The following BMPR1A variants were observed in gnomAD, a reference collection of about 807,000 sequenced individuals.
BMPR1A encodes bone morphogenetic protein receptor type 1A.
Under a neutral mutation model 66.0 loss-of-function variants are expected in BMPR1A, and 7 were observed. The observed-to-expected ratio is 0.11, with a 90% confidence interval of 0.06 to 0.20. The LOEUF is 0.20. Ranked by LOEUF, BMPR1A falls within the 10% of genes least tolerant of loss-of-function variation. The pLI, the probability that BMPR1A is intolerant of heterozygous loss-of-function variation, is 1.00. For synonymous variants in BMPR1A, 200 were observed against 229.7 expected (o/e 0.87, Z 1.17); for missense variants, 408 against 669.1 (o/e 0.61, Z 4.31).
intron 1 of BMPR1A, among the ~76,000 whole-genome samples, chr10:86,769,767 C>G (rs1053184982): frequency 1.2e-4 from 19 of 152,142 alleles, no homozygotes; most frequent in Admixed American, 1.2e-3. Context: ...GTTAAGAATA[C>G]TAGCAGAAGA....
At chr10:86,844,987 G>T (rs922121692) in intron 2 of BMPR1A, among the ~76,000 whole-genome samples, 1 of 152,114 alleles carries the variant, frequency 6.6e-6, no homozygotes, top group Non-Finnish European at 1.5e-5. Flanking sequence ...TGTTGGCCAG[G>T]CTGGTCTTGA....
rs1843737086 is a variant in BMPR1A at position 86,926,046 on chromosome 10, C to T, written c.*2327C>T. On this transcript the variant is annotated 3_prime_UTR_variant, in exon 13 of 13. Coordinates refer to ENST00000372037, the MANE Select transcript of BMPR1A (RefSeq NM_004329.3). ...ACAGGCAAAGTTTATTGGAAATGTTCAAATGGTGTGTGGAAGCAAAAAATT... is the reference window on the plus strand; with the variant it reads ...ACAGGCAAAGTTTATTGGAAATGTTTAAATGGTGTGTGGAAGCAAAAAATT... 1.2e-5 allele frequency: 2 copies of T among 172,660 alleles called. No homozygotes were observed. The highest frequency in any genetic ancestry group is 4.0e-4 in the South Asian group (2 of 4,990). The allele number at this position is 172,660 out of a possible 1,614,324, so 10.7% of individuals were successfully genotyped here. A position where few individuals can be genotyped will look rare whatever the true frequency, so the allele number is the denominator to read the frequency against.
chr10:86,919,679 G>T, intron 10 of BMPR1A, among the ~76,000 whole-genome samples: 1 of 148,988 alleles, frequency 6.7e-6, no homozygotes, highest in Non-Finnish European at 1.5e-5. Flanking sequence ...TATTTTTTTG[G>T]TGTTTTTTTT....
chr10:86,776,629 C>G (rs1190939358), intron 1 of BMPR1A, among the ~76,000 whole-genome samples: 2 of 152,128 alleles, frequency 1.3e-5, no homozygotes, highest in Non-Finnish European at 2.9e-5. Flanking sequence ...TTGCTACTTC[C>G]AGATCACTCT....
At chr10:86,759,318 GTC>G (rs1181632493) in intron 1 of BMPR1A, among the ~76,000 whole-genome samples, 6 of 152,096 alleles carry the variant, frequency 3.9e-5, no homozygotes, top group African/African-American at 1.4e-4. Flanking sequence ...TTTTCTCTAT[GTC>G]TCTAGTCCCT....
chr10:86,912,441 T>C, intron 8 of BMPR1A, 57 bp downstream of exon 8: 1 of 1,577,512 alleles, frequency 6.3e-7, no homozygotes, highest in Non-Finnish European at 8.7e-7. Flanking sequence ...TGTGTCCTCA[T>C]GATGGTGGAC....
chr10:86,881,083 C>T (rs903615867), intron 3 of BMPR1A, among the ~76,000 whole-genome samples: 4 of 148,916 alleles, frequency 2.7e-5, no homozygotes, highest in African/African-American at 9.9e-5. Flanking sequence ...CTGGTCTCTA[C>T]AAAAAAAAAA....
At chr10:86,876,146 C>G in intron 3 of BMPR1A, 61 bp downstream of exon 3, 1 of 1,489,922 alleles carries the variant, frequency 6.7e-7, no homozygotes. Context: ...TTTCTTGCTT[C>G]TGTTCTTTCA....
intron 1 of BMPR1A, among the ~76,000 whole-genome samples, chr10:86,775,786 T>A (rs1331799454): frequency 2.6e-5 from 4 of 152,202 alleles, no homozygotes; most frequent in South Asian, 4.1e-4. Context: ...ACCAGTGTTG[T>A]TACTGTATGT....
downstream of BMPR1A, chr10:86,931,298 C>CACACACACACACACATATATATATATAT: frequency 4.4e-5 from 4 of 90,914 alleles, no homozygotes; most frequent in African/African-American, 2.8e-4. Context: ...CACACACACA[C>CACACACACACACACATATATATATATAT]ATATATATAT....
At chr10:86,888,400 G>A (rs976137713) in intron 3 of BMPR1A, among the ~76,000 whole-genome samples, 9 of 152,068 alleles carry the variant, frequency 5.9e-5, no homozygotes, top group Non-Finnish European at 1.2e-4. Flanking sequence ...CCTGGGAGGC[G>A]GAGGTTGCAG....
At chr10:86,897,924 A>AT (rs1843249470) in intron 5 of BMPR1A, among the ~76,000 whole-genome samples, 1 of 152,026 alleles carries the variant, frequency 6.6e-6, no homozygotes, top group South Asian at 2.1e-4. Flanking sequence ...TTTAACCTGT[A>AT]TTTTTTAGCA....
chr10:86,923,150 G>A (rs1019231000), intron 11 of BMPR1A, among the ~76,000 whole-genome samples: 2 of 152,110 alleles, frequency 1.3e-5, no homozygotes, highest in African/African-American at 4.8e-5. Context: ...CTTTGTCGAT[G>A]GACTCTATCA....
rs903063922 is a variant in BMPR1A, at chr10:86,802,536, G to GT, written c.-267-36323dup. Among the ~76,000 whole-genome samples the GT allele has an allele frequency of 4.0e-5, 6 of 151,840 alleles. No homozygotes were observed. In the East Asian group the frequency reaches 5.8e-4, roughly 15 times the overall value. On this transcript the variant is annotated intron_variant, in intron 1 of 12. Coordinates refer to ENST00000372037, the MANE Select transcript of BMPR1A (RefSeq NM_004329.3). ...GTGGGATGTCACATTCAAATAAGCA[G>GT]TTTTTTCCCCTTTAGAACATTTGCT... is the stretch of plus-strand genomic sequence containing the variant.
chr10:86,875,603 A>G (rs1842910941), intron 2 of BMPR1A, among the ~76,000 whole-genome samples: 1 of 152,098 alleles, frequency 6.6e-6, no homozygotes. Flanking sequence ...GAACAGCCAG[A>G]AAGGACTATT....
intron 7 of BMPR1A, 78 bp from the exon 8 acceptor site, chr10:86,912,162 A>G (rs1229631777): frequency 3.4e-6 from 5 of 1,475,954 alleles, no homozygotes; most frequent in Non-Finnish European, 4.7e-6. Context: ...GGATAATGGT[A>G]TAGAGAACCT....
chr10:86,901,229 G>A (rs1843305069), intron 7 of BMPR1A, among the ~76,000 whole-genome samples: 1 of 152,238 alleles, frequency 6.6e-6, no homozygotes, highest in African/African-American at 2.4e-5. Flanking sequence ...CATGAGTGCA[G>A]TCTCAGCTGA....
At chr10:86,874,666 C>CA (rs1202363198) in intron 2 of BMPR1A, among the ~76,000 whole-genome samples, 1 of 147,762 alleles carries the variant, frequency 6.8e-6, no homozygotes, top group East Asian at 2.0e-4. Flanking sequence ...CTCAGCCTCT[C>CA]AAAGTGCTGG....
intron 1 of BMPR1A, among the ~76,000 whole-genome samples, chr10:86,780,150 A>G (rs1209331296): frequency 6.6e-6 from 1 of 151,832 alleles, no homozygotes; most frequent in African/African-American, 2.4e-5. Context: ...CCATTTTTTA[A>G]TTGGATTTGT....
Sources: allele counts gnomAD v4.1 joint callset (sites outside exome capture counted in the v4.1 genomes callset), GRCh38; gene constraint gnomAD v4.1.1; transcripts MANE v1.5; gene names NCBI Gene and HGNC (gene_info 2026-07-23, HGNC 2026-07-21).